Variants in ZNF410 observed in about 807,000 individuals in gnomAD.
The protein encoded by ZNF410 is another partner for ARF 1.
In ZNF410, 18 loss-of-function variants were observed where a neutral mutation model predicts 54.8. The ratio of observed to expected loss-of-function variants is 0.33; its 90% CI spans 0.23 to 0.49. ZNF410 has a LOEUF of 0.49. Ranked by LOEUF, ZNF410 falls within the 20% of genes least tolerant of loss-of-function variation. The probability of loss-of-function intolerance (pLI) is 0.99; values close to 1 mark genes in which losing one functional copy is unlikely to be tolerated. For synonymous variants in ZNF410, 191 were observed against 207.3 expected (o/e 0.92, Z 0.68); for missense variants, 405 against 569.6 (o/e 0.71, Z 2.94).
intron 11 of ZNF410, 123 bp from the exon 12 acceptor site, chr14:73,931,380 G>A: frequency 1.3e-6 from 1 of 776,522 alleles, no homozygotes; most frequent in Non-Finnish European, 2.1e-6. Context: ...TTTGGAAGTA[G>A]ATAGCCTTCA....
At position 73,905,450 on chromosome 14, in the gene ZNF410, A is replaced by T. The variant is rs111362605; in HGVS notation, c.913+367A>T. On this transcript the variant is annotated intron_variant, in intron 7 of 11. Coordinates refer to ENST00000555044, the MANE Select transcript of ZNF410 (RefSeq NM_021188.3). The stretch of plus-strand genomic sequence containing the variant: ...CAGTAACATTTACTGAGTCACACAA[A>T]CCATACAGAACCTGTTCTAGGCACT... 1,185 of 168,642 alleles carry T rather than the reference A, an allele frequency of 7.0e-3. 6 individuals are homozygous for T. The highest frequency in any genetic ancestry group is 0.027 in the African/African-American group (1,129 of 42,168). 10.4% of individuals were successfully genotyped at this position (168,642 alleles called of 1,614,324 possible).
At chr14:73,914,250 T>G (rs2055629098) in intron 8 of ZNF410, 1 of 152,430 alleles carries the variant, frequency 6.6e-6, no homozygotes, top group South Asian at 2.1e-4. Context: ...CTCAGCTCAC[T>G]GCAACCTCCA....
In ZNF410 at chr14:73,892,226, G is replaced by A. The variant is rs745605563; in HGVS notation, c.33+18G>A. On this transcript the variant is annotated intron_variant, in intron 2 of 11. Transcript: ENST00000555044. ...AACCAGAGGTGAGCCCAGTCAGCTT[G>A]TTTCCTTTTCTTTTGGTGGGCTATA... 1.2e-6 allele frequency: 2 copies of A among 1,610,012 alleles called. No homozygotes were observed. Among genetic ancestry groups the A allele is most frequent in the African/African-American group, 1.3e-5 (1 of 74,768 alleles).
At chr14:73,903,344 A>T (rs1156971063) in intron 5 of ZNF410, among the ~76,000 whole-genome samples, 2 of 152,212 alleles carry the variant, frequency 1.3e-5, no homozygotes, top group African/African-American at 4.8e-5. Context: ...AATGGTTTTA[A>T]TTCTGATTTC....
At chr14:73,900,837 T>G (rs558972653) in intron 5 of ZNF410, among the ~76,000 whole-genome samples, 2 of 152,356 alleles carry the variant, frequency 1.3e-5, no homozygotes, top group South Asian at 4.1e-4. Context: ...GAGATTTTTT[T>G]GTTTGTTTGC....
At position 73,932,508 on chromosome 14, in the gene ZNF410, TCTGAA is replaced by T; in HGVS notation, c.*968_*972del. 2.2e-6 allele frequency: 1 copy of T among 449,060 alleles called. No homozygotes were observed. The highest frequency in any genetic ancestry group is 4.4e-6 in the Non-Finnish European group (1 of 225,142). The allele number at this position is 449,060 out of a possible 1,614,324, so 27.8% of individuals were successfully genotyped here. A position where few individuals can be genotyped will look rare whatever the true frequency, so the allele number is the denominator to read the frequency against. On this transcript the variant is annotated 3_prime_UTR_variant, in exon 12 of 12. Transcript: ENST00000555044. ...GAAAATGGCAATAAAAACAGATACT[TCTGAA>T]TTTTTCCACAAAGATAGTTTTTTTA...
At chr14:73,911,269 AAGG>A (rs1402589428) in intron 8 of ZNF410, among the ~76,000 whole-genome samples, 1 of 152,160 alleles carries the variant, frequency 6.6e-6, no homozygotes, top group Non-Finnish European at 1.5e-5. Flanking sequence ...AGATGAACTC[AAGG>A]AGGAGAGGGA....
In ZNF410 at chr14:73,904,933, G is replaced by T; in HGVS notation, c.763G>T (p.Gly255Cys). ...CCGCTCCTTCATCTGTCCTGCAGAA[G>T]GTTGTGGGAAAAGCTTCTATGTGCT... is the stretch of plus-strand genomic sequence containing the variant. ...NDRSFICPAE[G>C]CGKSFYVLQR... The change falls in exon 7 of 12, where the codon GGT becomes TGT. Residue 255 changes from glycine (G) to cysteine (C), a missense_variant. By Grantham distance (159) the Gly-to-Cys change is radical. Transcript: ENST00000555044. 1 of 1,614,200 alleles carries T rather than the reference G, an allele frequency of 6.2e-7. No individual in the cohort carries two copies. The highest frequency in any genetic ancestry group is 8.5e-7 in the Non-Finnish European group (1 of 1,180,032).
chr14:73,909,441 C>T lies in ZNF410; in HGVS notation c.1003+11C>T. The T allele has an allele frequency of 6.2e-7, 1 of 1,607,990 alleles. No individual in the cohort carries two copies. The highest frequency in any genetic ancestry group is 2.2e-5 in the East Asian group (1 of 44,846). On this transcript the variant is annotated intron_variant, in intron 8 of 11. Coordinates refer to ENST00000555044, the MANE Select transcript of ZNF410 (RefSeq NM_021188.3). ...TGGTGGTTCACTCAGGTATCAGAAC[C>T]TCTGCCATTCATAGATTTTAGGAAA...
intron 8 of ZNF410, among the ~76,000 whole-genome samples, chr14:73,915,382 G>A (rs8003848): frequency 0.017 from 2,529 of 151,558 alleles, 69 homozygotes; most frequent in African/African-American, 0.058. Flanking sequence ...CTGTTGCCCA[G>A]GCTGGAGTGC....
At chr14:73,896,731 A>G (rs2055323405) in intron 4 of ZNF410, among the ~76,000 whole-genome samples, 197 bp downstream of exon 4, 2 of 152,032 alleles carry the variant, frequency 1.3e-5, no homozygotes, top group Non-Finnish European at 2.9e-5. Flanking sequence ...TGTTTGGGAA[A>G]TTATGTAGTG....
At chr14:73,889,412 A>T (rs545816143) in intron 1 of ZNF410, among the ~76,000 whole-genome samples, 1 of 145,816 alleles carries the variant, frequency 6.9e-6, no homozygotes, top group Admixed American at 7.0e-5. Flanking sequence ...AGCCTGCGTG[A>T]CAGAGCGAGA....
chr14:73,921,852 G>A (rs1233306864), intron 9 of ZNF410, among the ~76,000 whole-genome samples: 1 of 151,896 alleles, frequency 6.6e-6, no homozygotes, highest in African/African-American at 2.4e-5. Flanking sequence ...TTCTTCAGAC[G>A]CTGAACACAA....
rs1367939697 is a variant in ZNF410 at position 73,932,422 on chromosome 14, A to T, written c.*881A>T. On this transcript the variant is annotated 3_prime_UTR_variant, in exon 12 of 12. Transcript: ENST00000555044. Reference sequence around the variant, plus strand: ...AGGAGTCTTAGGAAACAACAAGAACATCTTCATTTCTTAAGCCCAGGTGAT... The same window carrying T: ...AGGAGTCTTAGGAAACAACAAGAACTTCTTCATTTCTTAAGCCCAGGTGAT... 1 of 452,868 alleles carries T rather than the reference A, an allele frequency of 2.2e-6. No homozygotes were observed. The highest frequency in any genetic ancestry group is 4.4e-6 in the Non-Finnish European group (1 of 226,118). The allele number at this position is 452,868 out of a possible 1,614,324, so 28.1% of individuals were successfully genotyped here.
intron 8 of ZNF410, chr14:73,914,707 C>T (rs2055637400): frequency 6.8e-6 from 1 of 147,568 alleles, no homozygotes; most frequent in Non-Finnish European, 1.5e-5. Context: ...GGGCTCACTG[C>T]AGCCTCTGCC....
rs1440814588 is a variant in ZNF410 at position 73,932,497 on chromosome 14, A to C, written c.*956A>C. Reference sequence around the variant, plus strand: ...GACGCATCTGAGAAAATGGCAATAAAAACAGATACTTCTGAATTTTTCCAC... The same window carrying C: ...GACGCATCTGAGAAAATGGCAATAACAACAGATACTTCTGAATTTTTCCAC... On this transcript the variant is annotated 3_prime_UTR_variant, in exon 12 of 12. Coordinates refer to ENST00000555044, the MANE Select transcript of ZNF410 (RefSeq NM_021188.3). 1 of 453,010 alleles carries C rather than the reference A, an allele frequency of 2.2e-6. No homozygotes were observed. The highest frequency in any genetic ancestry group is 4.4e-6 in the Non-Finnish European group (1 of 226,184). 28.1% of individuals were successfully genotyped at this position (453,010 alleles called of 1,614,324 possible).
intron 11 of ZNF410, among the ~76,000 whole-genome samples, chr14:73,924,488 A>G (rs2140327493): frequency 6.6e-6 from 1 of 152,320 alleles, no homozygotes; most frequent in South Asian, 2.1e-4. Context: ...GCTTTGACTC[A>G]GGAAACAGAA....
chr14:73,890,864 GCC>G (rs776422867), intron 1 of ZNF410, among the ~76,000 whole-genome samples: 2 of 151,996 alleles, frequency 1.3e-5, no homozygotes, highest in African/African-American at 2.4e-5. Context: ...TACAAAATTA[GCC>G]AGGTGTGGTG....
chr14:73,918,272 T>C (rs1303619711), intron 8 of ZNF410, among the ~76,000 whole-genome samples: 2 of 152,002 alleles, frequency 1.3e-5, no homozygotes, highest in East Asian at 3.9e-4. Context: ...CTGGCTAATT[T>C]TTATATTTTT....
Sources: allele counts gnomAD v4.1 joint callset (sites outside exome capture counted in the v4.1 genomes callset), GRCh38; gene constraint gnomAD v4.1.1; transcripts MANE v1.5; gene names NCBI Gene and HGNC (gene_info 2026-07-23, HGNC 2026-07-21).